The following RNF13 variants were observed in gnomAD, a reference collection of about 807,000 sequenced individuals.
RNF13 encodes ring finger protein 13.
A neutral mutation model predicts 37.7 loss-of-function variants in RNF13; 19 were observed. The ratio of observed to expected loss-of-function variants is 0.50; its 90% confidence interval spans 0.35 to 0.74. The LOEUF (loss-of-function observed/expected upper bound fraction) is 0.74, where lower values mean the gene tolerates loss of function less well. Ranked by LOEUF, RNF13 falls within the 30% of genes least tolerant of loss-of-function variation. The probability of loss-of-function intolerance (pLI) is 0.01; values close to 1 mark genes in which losing one functional copy is unlikely to be tolerated. For synonymous variants in RNF13, 144 were observed against 157.8 expected, an observed-to-expected ratio of 0.91 and a Z score of 0.65; for missense variants, 375 against 453.0, an observed-to-expected ratio of 0.83 and a Z score of 1.56.
intron 4 of RNF13, among the ~76,000 whole-genome samples, chr3:149,877,236 C>T (rs1576806971): frequency 6.6e-6 from 1 of 152,156 alleles, no homozygotes; most frequent in Non-Finnish European, 1.5e-5. Flanking sequence ...ACTTTAAAAA[C>T]CTTAAGGGCT....
intron 6 of RNF13, among the ~76,000 whole-genome samples, chr3:149,907,971 T>A (rs1716604385): frequency 6.6e-6 from 1 of 152,206 alleles, no homozygotes; most frequent in African/African-American, 2.4e-5. Context: ...CCACCAACAT[T>A]TTAGGAAAGC....
chr3:149,873,876 G>A (rs536435662), intron 4 of RNF13, among the ~76,000 whole-genome samples: 1 of 152,138 alleles, frequency 6.6e-6, no homozygotes, highest in African/African-American at 2.4e-5. Context: ...AATTGATGGT[G>A]TTTAGAATTC....
At chr3:149,922,008 C>G (rs1301935049) in intron 8 of RNF13, among the ~76,000 whole-genome samples, 15 of 152,000 alleles carry the variant, frequency 9.9e-5, no homozygotes, top group African/African-American at 3.6e-4. Flanking sequence ...GAGTCTCACT[C>G]TGTCACCCAG....
chr3:149,932,695 G>T (rs1183671978), intron 8 of RNF13, among the ~76,000 whole-genome samples: 5 of 152,202 alleles, frequency 3.3e-5, no homozygotes, highest in Non-Finnish European at 7.3e-5. Flanking sequence ...GCAAGGGGTG[G>T]GCTCCCAATG....
rs549398638 is a variant in RNF13 at position 149,841,515 on chromosome 3, T to C, written c.-16-4496T>C. On this transcript the variant is annotated intron_variant, in intron 1 of 9. Coordinates refer to ENST00000392894, the MANE Select transcript of RNF13 (RefSeq NM_183381.3). ...CCTGGGTAACATGTGAATGAAGATA[T>C]AATGCCAGCAAGGTGATTGCTGGAA... is the stretch of plus-strand genomic sequence containing the variant. Among the ~76,000 whole-genome samples the C allele has an allele frequency of 1.7e-3, 254 of 152,334 alleles. 1 individual carries two copies. The highest frequency in any genetic ancestry group is 2.5e-3 in the Non-Finnish European group (170 of 68,016).
At chr3:149,893,923 A>G (rs541045595) in intron 4 of RNF13, 1 of 152,310 alleles carries the variant, frequency 6.6e-6, no homozygotes, top group East Asian at 1.9e-4. Context: ...CCAACAAACA[A>G]TTTATATTAT....
intron 7 of RNF13, among the ~76,000 whole-genome samples, chr3:149,920,787 ATTC>A (rs1718038324): frequency 1.1e-5 from 1 of 90,416 alleles, no homozygotes; most frequent in Admixed American, 1.4e-4. Context: ...CAACCTTCCC[ATTC>A]TTTTTTTTTT....
At chr3:149,925,922 A>C (rs1013867227) in intron 8 of RNF13, among the ~76,000 whole-genome samples, 1 of 151,994 alleles carries the variant, frequency 6.6e-6, no homozygotes, top group Non-Finnish European at 1.5e-5. Context: ...TGGGTTTATA[A>C]CTCGTTGTTT....
chr3:149,919,143 A>C (rs1419761992), intron 7 of RNF13, among the ~76,000 whole-genome samples: 1 of 152,180 alleles, frequency 6.6e-6, no homozygotes. Flanking sequence ...AACTTTAAAA[A>C]AATTTATGGA....
At chr3:149,902,192 C>A in intron 6 of RNF13, 30 bp downstream of exon 6, 1 of 1,032,286 alleles carries the variant, frequency 9.7e-7, no homozygotes, top group Non-Finnish European at 1.4e-6. Context: ...AATCATGTTG[C>A]TTAAAATTCT....
intron 4 of RNF13, among the ~76,000 whole-genome samples, chr3:149,883,790 G>A (rs7623095): frequency 0.9 from 137,055 of 152,014 alleles, 61,878 homozygotes; most frequent in African/African-American, 0.94. Context: ...TTTGCTGCAC[G>A]GATCAACCCA....
Position 149,936,334 on chromosome 3 carries a change from C to G in RNF13, c.700+15107C>G, listed in dbSNP as rs575233785. ...TTGAATAAGCTCTGTACCCCTTGCT[C>G]TTTCTTAACTATGTCTTGAAGGCCA... On this transcript the variant is annotated intron_variant, in intron 8 of 9. Transcript: ENST00000392894. Among the ~76,000 whole-genome samples the G allele has an allele frequency of 1.8e-4, 27 of 152,174 alleles. 1 individual carries two copies. In the South Asian group the frequency reaches 5.2e-3, roughly 29 times the overall value.
chr3:149,899,478 A>G (rs910295739), intron 5 of RNF13, among the ~76,000 whole-genome samples: 15 of 151,698 alleles, frequency 9.9e-5, no homozygotes, highest in Non-Finnish European at 1.8e-4. Flanking sequence ...ATGAATGAAT[A>G]AATAAAAAAA....
intron 4 of RNF13, among the ~76,000 whole-genome samples, chr3:149,872,923 TA>T (rs1207829449): frequency 6.6e-6 from 1 of 152,214 alleles, no homozygotes; most frequent in African/African-American, 2.4e-5. Flanking sequence ...TAAAATAATA[TA>T]AAGGGATTTG....
At chr3:149,836,322 A>G (rs1721618571) in intron 1 of RNF13, among the ~76,000 whole-genome samples, 2 of 152,200 alleles carry the variant, frequency 1.3e-5, no homozygotes, top group South Asian at 2.1e-4. Flanking sequence ...GAAGACATAC[A>G]AATGGCCAAA....
At chr3:149,927,398 C>T (rs775921922) in intron 8 of RNF13, among the ~76,000 whole-genome samples, 4 of 152,148 alleles carry the variant, frequency 2.6e-5, no homozygotes, top group Admixed American at 6.5e-5. Context: ...TTAGCGGATA[C>T]GAGTTGGTTA....
chr3:149,902,367 C>G (rs1371399865), intron 6 of RNF13, among the ~76,000 whole-genome samples: 1 of 151,964 alleles, frequency 6.6e-6, no homozygotes, highest in Non-Finnish European at 1.5e-5. Context: ...AAAATATATT[C>G]ATGCTAGTGA....
chr3:149,859,093 A>T (rs1723957718), intron 3 of RNF13, among the ~76,000 whole-genome samples: 2 of 152,174 alleles, frequency 1.3e-5, no homozygotes, highest in South Asian at 4.1e-4. Flanking sequence ...CAGTTTTGTG[A>T]TGTGAAGAAA....
intron 8 of RNF13, among the ~76,000 whole-genome samples, chr3:149,953,179 C>G (rs185062042): frequency 6.6e-6 from 1 of 151,934 alleles, no homozygotes; most frequent in African/African-American, 2.4e-5. Flanking sequence ...AATTCCTAGA[C>G]TTGGGTTTTA....
Sources: gnomAD v4.1 joint callset for allele counts (sites outside exome capture counted in the v4.1 genomes callset) on GRCh38, gnomAD v4.1.1 for gene constraint, MANE v1.5 for transcripts, NCBI Gene and HGNC (gene_info 2026-07-23, HGNC 2026-07-21) for gene names.